RANBP2: variants seen among roughly 807,000 people sequenced by gnomAD.
The protein encoded by RANBP2 is E3 SUMO-protein ligase RanBP2.
In RANBP2, 57 loss-of-function variants were observed where a neutral mutation model predicts 303.6. The observed-to-expected ratio is 0.19, with a 90% CI of 0.15 to 0.23. The LOEUF is 0.23. RANBP2 is among the 10% of genes least tolerant of loss of function. The pLI, the probability that RANBP2 is intolerant of heterozygous loss-of-function variation, is 1.00. For missense variants in RANBP2, 3,138 were observed against 3,780.8 expected (o/e 0.83, Z 4.46); for synonymous variants, 1,167 against 1,301.5 (o/e 0.90, Z 2.23).
chr2:109,440,309 C>T, the RANBP2 span, among the ~76,000 whole-genome samples: 2 of 152,128 alleles, frequency 1.3e-5, no homozygotes, highest in Admixed American at 6.5e-5. Flanking sequence ...AGCTCTTGGG[C>T]CGCCGAGGCC....
chr2:109,716,326 A>G, the RANBP2 span, among the ~76,000 whole-genome samples: 1 of 152,046 alleles, frequency 6.6e-6, no homozygotes, highest in African/African-American at 2.4e-5. Context: ...ATCTGAGCTC[A>G]CTGCAACCTC....
the RANBP2 span, among the ~76,000 whole-genome samples, chr2:109,062,517 G>A: frequency 6.6e-6 from 1 of 152,082 alleles, no homozygotes; most frequent in African/African-American, 2.4e-5. Flanking sequence ...GCATGCACCT[G>A]AGTCATCACC....
At chr2:108,719,710 G>T in intron 1 of RANBP2, 32 bp downstream of exon 1, 1 of 1,569,972 alleles carries the variant, frequency 6.4e-7, no homozygotes. Context: ...CGACGGCCTC[G>T]ACCTGGCCGG....
At chr2:109,021,647 G>T in the RANBP2 span, among the ~76,000 whole-genome samples, 2 of 151,874 alleles carry the variant, frequency 1.3e-5, no homozygotes, top group Non-Finnish European at 2.9e-5. Flanking sequence ...TATGGGCATC[G>T]ACAGACGTTG....
At chr2:108,926,504 A>G in the RANBP2 span, among the ~76,000 whole-genome samples, 1 of 152,012 alleles carries the variant, frequency 6.6e-6, no homozygotes, top group Non-Finnish European at 1.5e-5. Flanking sequence ...TTTTCCTCCA[A>G]CCGTGTTGGT....
chr2:109,379,880 T>C, the RANBP2 span, among the ~76,000 whole-genome samples: 1 of 152,166 alleles, frequency 6.6e-6, no homozygotes, highest in East Asian at 1.9e-4. Flanking sequence ...TGGAGTGTGA[T>C]GTTGTGTCTA....
the RANBP2 span, among the ~76,000 whole-genome samples, chr2:109,507,981 G>T: frequency 0.49 from 74,646 of 151,938 alleles, 19,248 homozygotes; most frequent in African/African-American, 0.64. Context: ...AAACGCTGGT[G>T]TAGATGAGTT....
At chr2:108,789,465 G>A (rs1679539867), downstream of RANBP2, among the ~76,000 whole-genome samples, 1 of 152,160 alleles carries the variant, frequency 6.6e-6, no homozygotes, top group Non-Finnish European at 1.5e-5. Context: ...TTGGTGGTGT[G>A]CGTCTGGAAT....
chr2:109,346,763 G>A, the RANBP2 span, among the ~76,000 whole-genome samples: 3 of 152,164 alleles, frequency 2.0e-5, no homozygotes, highest in African/African-American at 4.8e-5. Context: ...AGCTAGTCAC[G>A]GTTTGAGACC....
the RANBP2 span, among the ~76,000 whole-genome samples, chr2:109,040,906 A>T: frequency 6.6e-6 from 1 of 152,068 alleles, no homozygotes; most frequent in Admixed American, 6.6e-5. Context: ...ATACAAAAAA[A>T]TTAGCCAGGC....
At chr2:109,222,741 C>T in the RANBP2 span, among the ~76,000 whole-genome samples, 79 of 152,366 alleles carry the variant, frequency 5.2e-4, no homozygotes, top group African/African-American at 1.8e-3. Flanking sequence ...CACTGACATC[C>T]AGTGTTTCTG....
chr2:109,253,693 T>G, the RANBP2 span, among the ~76,000 whole-genome samples: 1 of 152,142 alleles, frequency 6.6e-6, no homozygotes, highest in Non-Finnish European at 1.5e-5. Flanking sequence ...AATTTGGCTG[T>G]CTGGAAAATA....
At chr2:109,153,089 C>T in the RANBP2 span, among the ~76,000 whole-genome samples, 1 of 152,142 alleles carries the variant, frequency 6.6e-6, no homozygotes, top group Admixed American at 6.5e-5. Context: ...CACTGTGAAG[C>T]TTTTGTCAGA....
At chr2:109,266,872 C>T in the RANBP2 span, among the ~76,000 whole-genome samples, 1 of 152,202 alleles carries the variant, frequency 6.6e-6, no homozygotes, top group African/African-American at 2.4e-5. Context: ...ACCACTGCTG[C>T]AGACCGCCTC....
chr2:108,894,123 C>T, the RANBP2 span, among the ~76,000 whole-genome samples: 9 of 152,216 alleles, frequency 5.9e-5, no homozygotes, highest in Admixed American at 1.3e-4. Flanking sequence ...TACTAACCCC[C>T]GAGCTATGAT....
At chr2:109,339,594 G>A in the RANBP2 span, among the ~76,000 whole-genome samples, 1,259 of 152,308 alleles carry the variant, frequency 8.3e-3, 15 homozygotes, top group East Asian at 0.044. Flanking sequence ...GTGCCTGGGT[G>A]GGGCTGCAGG....
chr2:109,499,156 CAGG>C, the RANBP2 span, among the ~76,000 whole-genome samples: 1,961 of 152,278 alleles, frequency 0.013, 55 homozygotes, highest in African/African-American at 0.044. Context: ...GAGCCACCCA[CAGG>C]AGACCTGCAC....
the RANBP2 span, among the ~76,000 whole-genome samples, chr2:109,198,440 C>T: frequency 6.6e-6 from 1 of 152,196 alleles, no homozygotes; most frequent in South Asian, 2.1e-4. Flanking sequence ...CTTGGGTACC[C>T]TGCCCAGCAC....
chr2:109,241,647 C>G, the RANBP2 span, among the ~76,000 whole-genome samples: 70 of 152,230 alleles, frequency 4.6e-4, 1 homozygote, highest in East Asian at 0.013. Context: ...TCTGTCTCCC[C>G]GCCTCGCCAT....
Sources: gnomAD v4.1 joint callset for allele counts (sites outside exome capture counted in the v4.1 genomes callset) on GRCh38, gnomAD v4.1.1 for gene constraint, MANE v1.5 for transcripts, NCBI Gene and HGNC (gene_info 2026-07-23, HGNC 2026-07-21) for gene names.